The following BMPR1B variants were observed in gnomAD, a reference collection of about 807,000 sequenced individuals.
BMPR1B encodes bone morphogenetic protein receptor type-1B.
In BMPR1B, 12 loss-of-function variants were observed where a neutral mutation model predicts 59.1. The observed-to-expected ratio is 0.20, with a 90% CI of 0.13 to 0.33. The LOEUF is 0.33. BMPR1B is among the 10% of genes least tolerant of loss of function. The pLI is 1.00. For synonymous variants in BMPR1B, 237 were observed against 207.3 expected, an observed-to-expected ratio of 1.14 and a Z score of -1.23; for missense variants, 550 against 610.9, an observed-to-expected ratio of 0.90 and a Z score of 1.05.
intron 3 of BMPR1B, among the ~76,000 whole-genome samples, chr4:95,009,259 C>G (rs936187615): frequency 6.6e-6 from 1 of 152,038 alleles, no homozygotes; most frequent in African/African-American, 2.4e-5. Context: ...GCAATTCTAC[C>G]CCTAGGTATA....
chr4:94,795,466 GATT>G (rs1403962502), intron 1 of BMPR1B, among the ~76,000 whole-genome samples: 2 of 151,826 alleles, frequency 1.3e-5, no homozygotes, highest in Non-Finnish European at 2.9e-5. Flanking sequence ...TTTGGCTCTG[GATT>G]ATTATTATTT....
intron 5 of BMPR1B, 82 bp downstream of exon 5, chr4:95,114,904 C>T (rs1030240596): frequency 7.5e-7 from 1 of 1,329,174 alleles, no homozygotes; most frequent in African/African-American, 1.4e-5. Flanking sequence ...CATTCTTTTT[C>T]TTGGCCAGCC....
intron 1 of BMPR1B, among the ~76,000 whole-genome samples, chr4:94,817,596 C>G (rs1724057661): frequency 6.6e-6 from 1 of 151,760 alleles, no homozygotes; most frequent in Non-Finnish European, 1.5e-5. Context: ...CCATATGCTT[C>G]TGTTGTTCTA....
chr4:95,041,598 T>C (rs1725656836), intron 3 of BMPR1B, among the ~76,000 whole-genome samples: 1 of 139,524 alleles, frequency 7.2e-6, no homozygotes, highest in Non-Finnish European at 1.5e-5. Context: ...GAGTCCTCCA[T>C]CCACTGAATG....
intron 8 of BMPR1B, among the ~76,000 whole-genome samples, chr4:95,127,237 G>T (rs1261217211): frequency 6.6e-6 from 1 of 152,146 alleles, no homozygotes; most frequent in East Asian, 1.9e-4. Context: ...TAAAAAGTTG[G>T]TATCTAAGAA....
At chr4:94,831,148 A>G (rs1040977542) in intron 1 of BMPR1B, among the ~76,000 whole-genome samples, 4 of 151,806 alleles carry the variant, frequency 2.6e-5, no homozygotes, top group African/African-American at 9.7e-5. Context: ...TGGAGGGGAA[A>G]GACAGTGACA....
chr4:95,128,563 T>C (rs971750416), intron 8 of BMPR1B, among the ~76,000 whole-genome samples: 37 of 152,166 alleles, frequency 2.4e-4, no homozygotes, highest in Non-Finnish European at 8.8e-5. Context: ...TTAACTCATA[T>C]TTTCATTCTC....
chr4:95,039,228 C>T (rs1725475115), intron 3 of BMPR1B, among the ~76,000 whole-genome samples: 1 of 152,146 alleles, frequency 6.6e-6, no homozygotes, highest in South Asian at 2.1e-4. Flanking sequence ...ACCTCCATAA[C>T]TTGAGTTTCT....
intron 1 of BMPR1B, among the ~76,000 whole-genome samples, chr4:94,871,826 T>A (rs1053984681): frequency 2.6e-5 from 4 of 152,224 alleles, no homozygotes; most frequent in African/African-American, 9.6e-5. Flanking sequence ...ACTGAAATAC[T>A]TTAAGGCCTT....
At chr4:95,046,582 A>G (rs979051516) in intron 3 of BMPR1B, among the ~76,000 whole-genome samples, 1 of 152,208 alleles carries the variant, frequency 6.6e-6, no homozygotes, top group East Asian at 1.9e-4. Flanking sequence ...TACAGCAAAG[A>G]CTCCGTAAAT....
chr4:94,916,900 G>A (rs539597561), intron 2 of BMPR1B, among the ~76,000 whole-genome samples: 101 of 152,322 alleles, frequency 6.6e-4, no homozygotes, highest in African/African-American at 2.4e-3. Flanking sequence ...TCGTGGGACA[G>A]GCCCAGGGAC....
intron 2 of BMPR1B, among the ~76,000 whole-genome samples, chr4:94,958,960 G>A (rs1311575739): frequency 2.0e-5 from 3 of 152,092 alleles, no homozygotes; most frequent in Non-Finnish European, 4.4e-5. Flanking sequence ...TCTTGATTTG[G>A]AATGAGCATG....
chr4:94,864,182 C>T lies in BMPR1B; in HGVS notation c.-182-11649C>T, dbSNP rs577849170. On this transcript the variant is annotated intron_variant, in intron 1 of 12. Transcript: ENST00000515059. ...ATATATACGGTAAAGAAACAGTGGT[C>T]TCTGGCTTGAGCTTCGACCAGTATA... Among the ~76,000 whole-genome samples the T allele has an allele frequency of 1.6e-3, 239 of 152,204 alleles. 1 individual carries two copies. Among genetic ancestry groups the T allele is most frequent in the African/African-American group, 5.3e-3 (222 of 41,544 alleles).
rs1264266563 is a variant in BMPR1B at position 94,962,071 on chromosome 4, CT to C, written c.-112-33966del. ...TTTCTTTCTTTCTTTTCTTTCTTTT[CT>C]TTCCTTCCTTCCTTCCTTCCTTCCT... is the stretch of plus-strand genomic sequence containing the variant. On this transcript the variant is annotated intron_variant, in intron 2 of 12. Coordinates refer to ENST00000515059, the MANE Select transcript of BMPR1B (RefSeq NM_001203.3). 4.9e-3 allele frequency among the ~76,000 whole-genome samples: 610 copies of C among 123,450 alleles called. 2 individuals are homozygous for C. Among genetic ancestry groups the C allele is most frequent in the African/African-American group, 0.019 (519 of 27,738 alleles). The allele number at this position is 123,450 out of a possible 152,430, so 81.0% of individuals were successfully genotyped here. A position where few individuals can be genotyped will look rare whatever the true frequency, so the allele number is the denominator to read the frequency against.
chr4:94,932,934 C>T (rs983583102), intron 2 of BMPR1B, among the ~76,000 whole-genome samples: 19 of 152,010 alleles, frequency 1.2e-4, no homozygotes, highest in African/African-American at 3.4e-4. Flanking sequence ...CCTTACTTGA[C>T]TCAAACTGCT....
chr4:94,979,622 C>A (rs1048298845), intron 2 of BMPR1B, among the ~76,000 whole-genome samples: 10 of 152,188 alleles, frequency 6.6e-5, no homozygotes, highest in Non-Finnish European at 1.3e-4. Flanking sequence ...ACATCTCTTT[C>A]TAAAATCTAG....
chr4:95,124,882 G>T, intron 7 of BMPR1B, 101 bp from the exon 8 acceptor site: 1 of 1,079,416 alleles, frequency 9.3e-7, no homozygotes, highest in East Asian at 2.5e-5. Context: ...ATTATATTTA[G>T]GTGCTAAAAT....
intron 3 of BMPR1B, among the ~76,000 whole-genome samples, chr4:95,040,788 A>G (rs982605370): frequency 6.6e-6 from 1 of 152,178 alleles, no homozygotes; most frequent in African/African-American, 2.4e-5. Context: ...GACAAATGAA[A>G]TCTTCTAGAA....
At chr4:95,044,498 A>G (rs970903625) in intron 3 of BMPR1B, among the ~76,000 whole-genome samples, 4 of 152,218 alleles carry the variant, frequency 2.6e-5, no homozygotes, top group African/African-American at 9.7e-5. Flanking sequence ...ATCAACAGTG[A>G]CAGTCATATC....
Sources: allele counts gnomAD v4.1 joint callset (sites outside exome capture counted in the v4.1 genomes callset), GRCh38; gene constraint gnomAD v4.1.1; transcripts MANE v1.5; gene names NCBI Gene and HGNC (gene_info 2026-07-23, HGNC 2026-07-21).